The following DHX40 variants were observed in gnomAD, a reference collection of about 807,000 sequenced individuals.
The protein encoded by DHX40 is DEAH-box helicase 40.
DHX40 carries 28 observed loss-of-function variants against 89.6 expected under a neutral mutation model. The ratio of observed to expected loss-of-function variants is 0.31; its 90% CI spans 0.23 to 0.43. DHX40 has a LOEUF of 0.43. Among genes scored for constraint, DHX40 ranks in the 20% least tolerant of loss-of-function variants. The pLI is 1.00. For missense variants in DHX40, 457 were observed against 844.0 expected (o/e 0.54, Z 5.68); for synonymous variants, 226 against 283.6 (o/e 0.80, Z 2.04).
intron 12 of DHX40, among the ~76,000 whole-genome samples, chr17:59,591,979 C>T (rs373457817): frequency 7.9e-5 from 12 of 151,884 alleles, no homozygotes; most frequent in South Asian, 6.3e-4. Flanking sequence ...AGCAATTCTC[C>T]CACCTCAGCC....
chr17:59,594,469 C>T (rs1205275737), intron 12 of DHX40, among the ~76,000 whole-genome samples: 3 of 151,652 alleles, frequency 2.0e-5, no homozygotes, highest in Admixed American at 2.0e-4. Flanking sequence ...TTCAGTGGCT[C>T]TCCTATCTGG....
chr17:59,566,764 A>G lies in DHX40; in HGVS notation c.250A>G (p.Thr84Ala). Residue 84 changes from threonine to alanine, a missense_variant, in exon 2 of 18, where the codon ACT (threonine) becomes GCT (alanine). This residue lies in a region of DHX40 where 61 missense variants were observed against 100.4 expected (regional missense o/e 0.61). Coordinates refer to ENST00000251241, the MANE Select transcript of DHX40 (RefSeq NM_024612.5). ...VTGNTGSGKT[T>A]QLPKYLYEAG... ...TGGAAATACAGGAAGTGGTAAAACA[A>G]CTCAACTCCCAAAATATCTATATGA... The G allele has an allele frequency of 6.3e-7, 1 of 1,587,408 alleles. No homozygotes were observed. Among genetic ancestry groups the G allele is most frequent in the Non-Finnish European group, 8.5e-7 (1 of 1,173,118 alleles).
At chr17:59,592,369 G>A (rs1428518433) in intron 12 of DHX40, among the ~76,000 whole-genome samples, 3 of 149,178 alleles carry the variant, frequency 2.0e-5, no homozygotes, top group Non-Finnish European at 3.0e-5. Flanking sequence ...ATAGTGAAAT[G>A]CATAAATTTT....
intron 6 of DHX40, 146 bp from the exon 7 acceptor site, chr17:59,575,194 A>G (rs1307038043): frequency 3.5e-6 from 2 of 572,540 alleles, no homozygotes; most frequent in Non-Finnish European, 5.6e-6. Context: ...GAAATATGGT[A>G]CAGCTTATGT....
intron 12 of DHX40, among the ~76,000 whole-genome samples, chr17:59,590,747 G>A (rs187106926): frequency 2.3e-4 from 35 of 151,952 alleles, no homozygotes; most frequent in African/African-American, 8.4e-4. Context: ...TGGTATTACA[G>A]GCCTGAGCCA....
intron 7 of DHX40, chr17:59,575,779 G>T (rs1382239742): frequency 3.2e-6 from 1 of 308,854 alleles, no homozygotes; most frequent in African/African-American, 2.2e-5. Context: ...TTGAAATGAG[G>T]ACAGTAGTTT....
Position 59,573,839 on chromosome 17 carries a change from G to T in DHX40, c.646G>T (p.Ala216Ser). ...VVVMSATMEL[A>S]KLSAFFGNCP... Reference sequence around the variant, plus strand: ...GGTAATGTCAGCAACTATGGAATTAGCCAAGCTCTCTGCATTCTTTGGAAA... The same window carrying T: ...GGTAATGTCAGCAACTATGGAATTATCCAAGCTCTCTGCATTCTTTGGAAA... The change falls in exon 5 of 18, where the codon GCC becomes TCC. Residue 216 changes from alanine to serine, a missense_variant. Around this residue, in one of 9 missense-constraint regions of DHX40, gnomAD observed 116 missense variants for 188.9 expected, o/e 0.61. Transcript: ENST00000251241. 1 of 1,613,446 alleles carries T rather than the reference G, an allele frequency of 6.2e-7. No individual in the cohort carries two copies.
At chr17:59,571,997 A>G (rs2048816668) in intron 3 of DHX40, among the ~76,000 whole-genome samples, 1 of 152,160 alleles carries the variant, frequency 6.6e-6, no homozygotes, top group Admixed American at 6.5e-5. Flanking sequence ...AGGTTGATTT[A>G]TTTTATGTGT....
At chr17:59,595,483 GA>G (rs1473420784) in intron 12 of DHX40, among the ~76,000 whole-genome samples, 1 of 150,716 alleles carries the variant, frequency 6.6e-6, no homozygotes, top group African/African-American at 2.4e-5. Flanking sequence ...AAAAAATTAA[GA>G]AAAAGTATGT....
rs2049092665 is a variant in DHX40, at chr17:59,592,131, A to G, written c.1582+4078A>G. Among the ~76,000 whole-genome samples the G allele has an allele frequency of 2.0e-5, 3 of 151,748 alleles. No individual in the cohort carries two copies. The South Asian group carries it at 6.3e-4, about 32-fold the overall frequency. On this transcript the variant is annotated intron_variant, in intron 12 of 17. Transcript: ENST00000251241. ...AGCAATCCTCCTGCTTTGGTCTCCCAAAGTGCTGGGTTTACAGGTGTAAGC... is the reference window on the plus strand; with the variant it reads ...AGCAATCCTCCTGCTTTGGTCTCCCGAAGTGCTGGGTTTACAGGTGTAAGC...
At chr17:59,575,691 G>A (rs2048871450) in intron 7 of DHX40, 1 of 440,122 alleles carries the variant, frequency 2.3e-6, no homozygotes, top group East Asian at 5.0e-5. Flanking sequence ...TCACTTTTTT[G>A]AGAGTCGTGG....
intron 3 of DHX40, among the ~76,000 whole-genome samples, chr17:59,572,407 C>G (rs78721515): frequency 6.6e-6 from 1 of 152,220 alleles, no homozygotes; most frequent in East Asian, 1.9e-4. Flanking sequence ...GAGATAGTGT[C>G]TTACTAAGTC....
At chr17:59,575,231 G>A in intron 6 of DHX40, 109 bp from the exon 7 acceptor site, 1 of 840,388 alleles carries the variant, frequency 1.2e-6, no homozygotes, top group Non-Finnish European at 1.7e-6. Flanking sequence ...TTAAATGAGA[G>A]ATTTACAATA....
intron 11 of DHX40, among the ~76,000 whole-genome samples, chr17:59,586,702 A>G (rs2049002680): frequency 6.6e-6 from 1 of 151,958 alleles, no homozygotes; most frequent in Non-Finnish European, 1.5e-5. Flanking sequence ...GCACGGTATA[A>G]TCCCTTTTGT....
chr17:59,602,498 A>T (rs2030591670), intron 14 of DHX40, 24 bp from the exon 15 acceptor site: 1 of 1,559,388 alleles, frequency 6.4e-7, no homozygotes. Context: ...GAGATTTACC[A>T]CTCTCTACAT....
chr17:59,565,678 C>T lies in DHX40; in HGVS notation c.7C>T (p.Arg3Trp). Reference protein sequence around the residue: MSRFPAVAGRAPR... With the variant: MSWFPAVAGRAPR... ...TCCACTCGGGGCCAGGTCTATGTCC[C>T]GGTTTCCCGCAGTCGCGGGCAGGGC... Residue 3 changes from arginine (R) to tryptophan (W), a missense_variant, in exon 1 of 18, where the codon CGG (arginine) becomes TGG (tryptophan). Physicochemically the swap from Arg to Trp is moderately radical, Grantham distance 101. This residue lies in a region of DHX40 where 75 missense variants were observed against 76.8 expected (regional missense o/e 0.98). Transcript: ENST00000251241. 1 of 1,600,706 alleles carries T rather than the reference C, an allele frequency of 6.2e-7. No homozygotes were observed. The highest frequency in any genetic ancestry group is 8.5e-7 in the Non-Finnish European group (1 of 1,179,194).
At position 59,607,662 on chromosome 17, in the gene DHX40, A is replaced by C. The variant is rs2030946570; in HGVS notation, c.*490A>C. The C allele has an allele frequency of 5.5e-6, 1 of 181,754 alleles. No homozygotes were observed. The highest frequency in any genetic ancestry group is 5.7e-5 in the Admixed American group (1 of 17,430). The allele number at this position is 181,754 out of a possible 1,614,324, so 11.3% of individuals were successfully genotyped here. A position where few individuals can be genotyped will look rare whatever the true frequency, so the allele number is the denominator to read the frequency against. ...TGAACATAAGAGGTTTCTACTCAGC[A>C]ATACTTAGATGTCTAACTGTTTAAT... is the stretch of plus-strand genomic sequence containing the variant. On this transcript the variant is annotated 3_prime_UTR_variant, in exon 18 of 18. Coordinates refer to ENST00000251241, the MANE Select transcript of DHX40 (RefSeq NM_024612.5).
intron 14 of DHX40, among the ~76,000 whole-genome samples, chr17:59,601,110 G>T (rs1294997100): frequency 6.7e-6 from 1 of 149,578 alleles, no homozygotes; most frequent in African/African-American, 2.5e-5. Flanking sequence ...TTTGAGACCA[G>T]CCTGGGCAAC....
intron 8 of DHX40, among the ~76,000 whole-genome samples, chr17:59,579,077 C>T (rs1432207075): frequency 4.1e-5 from 5 of 123,098 alleles, no homozygotes; most frequent in African/African-American, 1.4e-4. Context: ...TTGTTCATCC[C>T]TTCTTCCATT....
Sources: allele counts gnomAD v4.1 joint callset (sites outside exome capture counted in the v4.1 genomes callset), GRCh38; gene constraint gnomAD v4.1.1; regional missense constraint gnomAD v4.1.1; transcripts MANE v1.5; gene names NCBI Gene and HGNC (gene_info 2026-07-23, HGNC 2026-07-21).